The following EFCAB6 variants were observed in gnomAD, a reference collection of about 807,000 sequenced individuals.
EFCAB6 encodes EF-hand calcium binding domain 6.
Under a neutral mutation model 169.8 loss-of-function variants are expected in EFCAB6, and 156 were observed. The observed-to-expected ratio is 0.92, with a 90% CI of 0.81 to 1.05. EFCAB6 has a LOEUF of 1.05. Among genes scored for constraint, EFCAB6 ranks in the 50% least tolerant of loss-of-function variants. The pLI is 0.00. For missense variants in EFCAB6, 1,800 were observed against 1,829.1 expected (o/e 0.98, Z 0.29); for synonymous variants, 698 against 676.4 (o/e 1.03, Z -0.50).
intron 19 of EFCAB6, among the ~76,000 whole-genome samples, chr22:43,627,857 G>C (rs2054633817): frequency 6.6e-6 from 1 of 152,178 alleles, no homozygotes; most frequent in Admixed American, 6.5e-5. Context: ...AGCTCTCTCT[G>C]TATTCACTCA....
intron 6 of EFCAB6, among the ~76,000 whole-genome samples, chr22:43,753,987 C>G (rs753272890): frequency 1.3e-5 from 2 of 152,204 alleles, no homozygotes; most frequent in Non-Finnish European, 2.9e-5. Context: ...GTCTTTTTCT[C>G]AGTCTCCAAC....
chr22:43,595,733 T>TATTCTATATA (rs1569219214), intron 23 of EFCAB6, among the ~76,000 whole-genome samples: 2 of 152,098 alleles, frequency 1.3e-5, no homozygotes, highest in African/African-American at 4.8e-5. Context: ...AGGGAATACT[T>TATTCTATATA]GCAAACTTAT....
chr22:43,562,559 A>C (rs1485413042), intron 26 of EFCAB6, among the ~76,000 whole-genome samples: 1 of 103,342 alleles, frequency 9.7e-6, no homozygotes, highest in Admixed American at 9.7e-5. Flanking sequence ...CAGCCCAGTC[A>C]GAGGTGGGAG....
intron 15 of EFCAB6, among the ~76,000 whole-genome samples, chr22:43,670,003 AT>A (rs950136370): frequency 1.3e-5 from 2 of 150,754 alleles, no homozygotes; most frequent in African/African-American, 4.9e-5. Context: ...GCTTTCTAAC[AT>A]TTTTAAGGTT....
chr22:43,678,775 T>C (rs2057882915), intron 12 of EFCAB6, among the ~76,000 whole-genome samples: 1 of 152,054 alleles, frequency 6.6e-6, no homozygotes, highest in Admixed American at 6.6e-5. Flanking sequence ...AACACCAAAA[T>C]TGAGAGATAC....
At chr22:43,592,945 G>A (rs2051678266) in intron 23 of EFCAB6, among the ~76,000 whole-genome samples, 1 of 152,130 alleles carries the variant, frequency 6.6e-6, no homozygotes, top group Non-Finnish European at 1.5e-5. Flanking sequence ...AATGTATTTA[G>A]GGCATTCCAA....
chr22:43,725,085 G>A (rs1352123702), intron 8 of EFCAB6, among the ~76,000 whole-genome samples: 1 of 151,258 alleles, frequency 6.6e-6, no homozygotes, highest in Non-Finnish European at 1.5e-5. Context: ...TTGTAACATG[G>A]AAGAAAGCAT....
In EFCAB6 at chr22:43,716,888, T is replaced by G; in HGVS notation, c.842A>C (p.Asn281Thr). The G allele has an allele frequency of 1.9e-6, 3 of 1,603,472 alleles. No homozygotes were observed. Among genetic ancestry groups the G allele is most frequent in the Non-Finnish European group, 2.6e-6 (3 of 1,175,480 alleles). ...GSASSEDIWRNYSLDEIERNF... is the reference protein window; with the variant it reads ...GSASSEDIWRTYSLDEIERNF... ...CCTCTCAATTTCATCCAAGGAGTAG[T>G]TTCTCCAGATATCTTCAGATGATGC... The change falls in exon 9 of 32, where the codon AAC (asparagine) becomes ACC (threonine). Residue 281 changes from asparagine (N) to threonine (T), a missense_variant. Physicochemically the swap from Asn to Thr is moderately conservative, Grantham distance 65. Transcript: ENST00000262726.
intron 27 of EFCAB6, among the ~76,000 whole-genome samples, chr22:43,548,046 A>G (rs1318823364): frequency 3.3e-5 from 5 of 151,722 alleles, no homozygotes; most frequent in East Asian, 2.0e-4. Flanking sequence ...CAGTGAGCCA[A>G]GAGGGCGCCA....
intron 10 of EFCAB6, among the ~76,000 whole-genome samples, chr22:43,698,977 G>A (rs1014386221): frequency 1.3e-5 from 2 of 152,174 alleles, no homozygotes; most frequent in African/African-American, 2.4e-5. Flanking sequence ...CTGGGTAGAG[G>A]CATAACAGGA....
At chr22:43,722,434 GGC>G (rs1298437096) in intron 8 of EFCAB6, among the ~76,000 whole-genome samples, 1 of 152,048 alleles carries the variant, frequency 6.6e-6, no homozygotes, top group Non-Finnish European at 1.5e-5. Context: ...AGGAGGCTGA[GGC>G]AGAAGAATCG....
At chr22:43,769,427 C>CT (rs1182558003) in intron 4 of EFCAB6, among the ~76,000 whole-genome samples, 1 of 152,038 alleles carries the variant, frequency 6.6e-6, no homozygotes, top group Non-Finnish European at 1.5e-5. Context: ...CTGCGAAACT[C>CT]TATGAATATA....
At chr22:43,560,070 C>T (rs1428437038) in intron 26 of EFCAB6, among the ~76,000 whole-genome samples, 1 of 152,056 alleles carries the variant, frequency 6.6e-6, no homozygotes, top group African/African-American at 2.4e-5. Context: ...AAATAATATA[C>T]ATATTATATT....
intron 17 of EFCAB6, among the ~76,000 whole-genome samples, chr22:43,642,196 C>T (rs1316085053): frequency 1.3e-5 from 2 of 152,214 alleles, no homozygotes; most frequent in African/African-American, 4.8e-5. Context: ...CCGCCTCGCC[C>T]TCCCAAAGTG....
chr22:43,648,229 G>A (rs2056284962), intron 17 of EFCAB6, among the ~76,000 whole-genome samples: 1 of 151,972 alleles, frequency 6.6e-6, no homozygotes, highest in Non-Finnish European at 1.5e-5. Context: ...GAGGCTGAGG[G>A]GTGTGCCCAC....
intron 10 of EFCAB6, among the ~76,000 whole-genome samples, chr22:43,693,001 T>G (rs1329634774): frequency 6.6e-6 from 1 of 152,036 alleles, no homozygotes; most frequent in Admixed American, 6.6e-5. Context: ...AAGAGAAAAG[T>G]GACTCATTAG....
Position 43,773,353 on chromosome 22 carries a change from G to A in EFCAB6, c.140-250C>T, listed in dbSNP as rs114004751. 7.4e-3 allele frequency among the ~76,000 whole-genome samples: 1,133 copies of A among 152,272 alleles called. 15 individuals carry two copies. Among genetic ancestry groups the A allele is most frequent in the African/African-American group, 0.025 (1,057 of 41,550 alleles). Reference sequence around the variant, plus strand: ...AAGAAAAAAAAAGAGAATCTTCCCTGTAAAGGACATAGGTCAGTACAAGTG... The same window carrying A: ...AAGAAAAAAAAAGAGAATCTTCCCTATAAAGGACATAGGTCAGTACAAGTG... On this transcript the variant is annotated intron_variant, in intron 3 of 31. Coordinates refer to ENST00000262726, the MANE Select transcript of EFCAB6 (RefSeq NM_022785.4).
chr22:43,774,601 G>C (rs372520942), intron 3 of EFCAB6, among the ~76,000 whole-genome samples: 14 of 151,638 alleles, frequency 9.2e-5, no homozygotes, highest in Non-Finnish European at 1.8e-4. Context: ...GGGATGCGGC[G>C]GTCCAGTGTG....
intron 8 of EFCAB6, 23 bp downstream of exon 8, chr22:43,731,676 C>CTA: frequency 7.0e-7 from 1 of 1,419,322 alleles, no homozygotes; most frequent in Non-Finnish European, 9.7e-7. Flanking sequence ...AAATCTTTAG[C>CTA]TATATACTTT....
Sources: allele counts gnomAD v4.1 joint callset (sites outside exome capture counted in the v4.1 genomes callset), GRCh38; gene constraint gnomAD v4.1.1; transcripts MANE v1.5; gene names NCBI Gene and HGNC (gene_info 2026-07-23, HGNC 2026-07-21).